The following PKHD1 variants were observed in gnomAD, a reference collection of about 807,000 sequenced individuals.
PKHD1 encodes fibrocystin.
PKHD1 carries 291 observed loss-of-function variants against 412.0 expected under a neutral mutation model. The ratio of observed to expected loss-of-function variants is 0.71; its 90% CI spans 0.64 to 0.78. The LOEUF is 0.78. Ranked by LOEUF, PKHD1 falls within the 30% of genes least tolerant of loss-of-function variation. PKHD1 has a pLI of 0.00. For missense variants in PKHD1, 4,825 were observed against 4,950.7 expected (o/e 0.97, Z 0.76); for synonymous variants, 1,777 against 1,821.5 (o/e 0.98, Z 0.62).
At chr6:51,840,100 T>C (rs1415836000) in intron 50 of PKHD1, among the ~76,000 whole-genome samples, 1 of 152,098 alleles carries the variant, frequency 6.6e-6, no homozygotes, top group Non-Finnish European at 1.5e-5. Flanking sequence ...CTCACAAATC[T>C]GTACACTCCT....
intron 36 of PKHD1, among the ~76,000 whole-genome samples, chr6:51,934,551 T>C (rs1452127912): frequency 6.6e-6 from 1 of 152,212 alleles, no homozygotes; most frequent in East Asian, 1.9e-4. Flanking sequence ...TGCTGCTTTA[T>C]TACATTTTCA....
chr6:51,662,498 AAAAT>A (rs1168827480), intron 60 of PKHD1, among the ~76,000 whole-genome samples: 3 of 152,000 alleles, frequency 2.0e-5, no homozygotes, highest in African/African-American at 7.2e-5. Flanking sequence ...AAGCTGGAAA[AAAAT>A]AACAGAACTG....
At chr6:51,907,012 T>C (rs1458529625) in intron 40 of PKHD1, among the ~76,000 whole-genome samples, 1 of 152,148 alleles carries the variant, frequency 6.6e-6, no homozygotes, top group Non-Finnish European at 1.5e-5. Flanking sequence ...GAATACACAA[T>C]TACTGAGTAT....
intron 54 of PKHD1, 129 bp from the exon 55 acceptor site, chr6:51,772,918 A>G (rs1240044915): frequency 1.5e-6 from 1 of 685,848 alleles, no homozygotes; most frequent in Non-Finnish European, 2.6e-6. Flanking sequence ...AAGGTCCCAT[A>G]TTATCAAAAG....
chr6:51,833,037 A>T (rs1233320217), intron 51 of PKHD1, among the ~76,000 whole-genome samples: 1 of 152,166 alleles, frequency 6.6e-6, no homozygotes, highest in Non-Finnish European at 1.5e-5. Context: ...GCTTCCCAAC[A>T]TTAGACCCAA....
At chr6:51,873,887 G>A (rs562678113) in intron 46 of PKHD1, among the ~76,000 whole-genome samples, 2 of 152,144 alleles carry the variant, frequency 1.3e-5, no homozygotes, top group South Asian at 4.2e-4. Context: ...AACCAAAAAC[G>A]GATTGCAAAT....
intron 39 of PKHD1, 60 bp downstream of exon 39, chr6:51,911,739 A>G: frequency 7.0e-7 from 1 of 1,432,344 alleles, no homozygotes; most frequent in Non-Finnish European, 9.8e-7. Context: ...GCCATCTATC[A>G]TCAGACAGTA....
rs1808833152 is a variant in PKHD1, at chr6:52,062,535, C to T, written c.1102G>A (p.Glu368Lys). The T allele has an allele frequency of 6.2e-7, 1 of 1,613,984 alleles. No homozygotes were observed. The highest frequency in any genetic ancestry group is 1.3e-5 in the African/African-American group (1 of 74,930). Reference protein sequence around the residue: ...ASSPFGFWSQEGQPFRARLSG... With the variant: ...ASSPFGFWSQKGQPFRARLSG... Reference sequence around the variant, plus strand: ...ACAACATACCTGAAAGGTTGTCCTTCCTGTGACCAAAACCCAAATGGAGAA... The same window carrying T: ...ACAACATACCTGAAAGGTTGTCCTTTCTGTGACCAAAACCCAAATGGAGAA... The change falls in exon 14 of 67, where the codon GAA becomes AAA. Residue 368 changes from glutamate to lysine, a missense_variant. Coordinates refer to ENST00000371117, the MANE Select transcript of PKHD1 (RefSeq NM_138694.4).
intron 52 of PKHD1, among the ~76,000 whole-genome samples, chr6:51,791,795 A>G (rs1793798023): frequency 6.6e-6 from 1 of 152,208 alleles, no homozygotes; most frequent in Admixed American, 6.5e-5. Context: ...GCTACTTACT[A>G]GCTGTCTAGG....
intron 43 of PKHD1, among the ~76,000 whole-genome samples, chr6:51,890,145 T>C (rs1778883686): frequency 6.6e-6 from 1 of 152,146 alleles, no homozygotes; most frequent in South Asian, 2.1e-4. Flanking sequence ...AGTTTTGTAT[T>C]ATTATTACAG....
At chr6:51,916,189 T>C (rs1301253777) in intron 37 of PKHD1, among the ~76,000 whole-genome samples, 2 of 152,162 alleles carry the variant, frequency 1.3e-5, no homozygotes, top group African/African-American at 4.8e-5. Flanking sequence ...TAACATTCAA[T>C]TCATAGTGGT....
At chr6:52,009,300 T>C (rs1799498475) in intron 35 of PKHD1, among the ~76,000 whole-genome samples, 1 of 152,068 alleles carries the variant, frequency 6.6e-6, no homozygotes, top group African/African-American at 2.4e-5. Context: ...ACGGAACAGT[T>C]TAGTAAGGAC....
chr6:51,838,937 C>T (rs1286612652), intron 50 of PKHD1, among the ~76,000 whole-genome samples: 1 of 152,212 alleles, frequency 6.6e-6, no homozygotes. Flanking sequence ...GTGCCTGGCA[C>T]ATCATGAACA....
chr6:51,709,088 T>C (rs1780345776), intron 60 of PKHD1, among the ~76,000 whole-genome samples: 2 of 152,190 alleles, frequency 1.3e-5, no homozygotes, highest in African/African-American at 4.8e-5. Flanking sequence ...CGTGCTCCCT[T>C]GATGCCCTGA....
intron 50 of PKHD1, among the ~76,000 whole-genome samples, chr6:51,838,379 A>G (rs1449176543): frequency 1.3e-5 from 2 of 152,168 alleles, no homozygotes; most frequent in Admixed American, 6.5e-5. Flanking sequence ...CACTGCACCA[A>G]TGGCTTCTGG....
chr6:51,629,857 C>G (rs676365), intron 65 of PKHD1, among the ~76,000 whole-genome samples: 6,510 of 152,060 alleles, frequency 0.043, 235 homozygotes, highest in African/African-American at 0.093. Context: ...AAGTGAGCTT[C>G]TAAAACAGAA....
chr6:51,959,278 T>C (rs1238441679), intron 36 of PKHD1, among the ~76,000 whole-genome samples: 3 of 152,170 alleles, frequency 2.0e-5, no homozygotes, highest in Non-Finnish European at 4.4e-5. Flanking sequence ...TATTCTCATT[T>C]AGCAGATAAG....
chr6:51,817,009 T>A (rs759365997), intron 52 of PKHD1, among the ~76,000 whole-genome samples: 3 of 152,184 alleles, frequency 2.0e-5, no homozygotes, highest in Non-Finnish European at 4.4e-5. Context: ...AAAAGCAACC[T>A]GGGGTGAAGG....
intron 35 of PKHD1, among the ~76,000 whole-genome samples, chr6:51,960,518 G>T (rs995581138): frequency 7.2e-5 from 11 of 152,192 alleles, no homozygotes; most frequent in African/African-American, 2.6e-4. Flanking sequence ...TTATGTAATT[G>T]GTATCATTTT....
Sources: gnomAD v4.1 joint callset for allele counts (sites outside exome capture counted in the v4.1 genomes callset) on GRCh38, gnomAD v4.1.1 for gene constraint, MANE v1.5 for transcripts, NCBI Gene and HGNC (gene_info 2026-07-23, HGNC 2026-07-21) for gene names.